Variants in DOCK1 observed in about 807,000 individuals in gnomAD.
The protein encoded by DOCK1 is dedicator of cytokinesis 1.
DOCK1 carries 138 observed loss-of-function variants against 262.7 expected under a neutral mutation model. The observed-to-expected ratio is 0.53, with a 90% CI of 0.46 to 0.61. The LOEUF is 0.61. Ranked by LOEUF, DOCK1 falls within the 20% of genes least tolerant of loss-of-function variation. DOCK1 has a pLI of 0.00. For missense variants in DOCK1, 1,908 were observed against 2,370.7 expected, an observed-to-expected ratio of 0.80 and a Z score of 4.05; for synonymous variants, 866 against 867.4, an observed-to-expected ratio of 1.00 and a Z score of 0.03.
chr10:127,304,448 T>C (rs58557399), intron 29 of DOCK1, among the ~76,000 whole-genome samples: 5,699 of 152,344 alleles, frequency 0.037, 352 homozygotes, highest in African/African-American at 0.13. Flanking sequence ...AAGTTTCTTT[T>C]GTCCACTTGT....
At chr10:127,081,429 A>T (rs2046893108) in intron 23 of DOCK1, among the ~76,000 whole-genome samples, 1 of 150,172 alleles carries the variant, frequency 6.7e-6, no homozygotes. Context: ...ATGACCTTTC[A>T]TACGTTTAAT....
intron 33 of DOCK1, among the ~76,000 whole-genome samples, chr10:127,366,763 T>TG (rs1339020584): frequency 6.6e-6 from 1 of 152,190 alleles, no homozygotes; most frequent in Non-Finnish European, 1.5e-5. Flanking sequence ...GCTTCTGGGA[T>TG]GGGGATGGTC....
chr10:127,001,290 C>T (rs1451716601), intron 10 of DOCK1: 2 of 152,156 alleles, frequency 1.3e-5, no homozygotes, highest in Non-Finnish European at 2.9e-5. Flanking sequence ...GTCCATCCCC[C>T]CTGCCTTTTA....
chr10:127,331,848 A>G (rs1338503484), intron 29 of DOCK1, among the ~76,000 whole-genome samples: 1 of 152,152 alleles, frequency 6.6e-6, no homozygotes, highest in Non-Finnish European at 1.5e-5. Context: ...CCATTTCCTC[A>G]TTTGTAAAAT....
intron 43 of DOCK1, among the ~76,000 whole-genome samples, chr10:127,414,641 A>G (rs1213319734): frequency 6.6e-6 from 1 of 152,208 alleles, no homozygotes; most frequent in East Asian, 1.9e-4. Context: ...TTATGTTCTC[A>G]TATAAACATA....
chr10:127,020,776 A>T (rs368659329), intron 13 of DOCK1, among the ~76,000 whole-genome samples: 20 of 152,004 alleles, frequency 1.3e-4, no homozygotes, highest in African/African-American at 4.4e-4. Flanking sequence ...AGAGAGAGAG[A>T]GAGTATGGGC....
intron 33 of DOCK1, among the ~76,000 whole-genome samples, chr10:127,369,462 C>T (rs1448222944): frequency 2.0e-5 from 3 of 152,178 alleles, no homozygotes; most frequent in African/African-American, 7.2e-5. Context: ...TAAAAGCCCT[C>T]CAGCAAAGAG....
intron 29 of DOCK1, among the ~76,000 whole-genome samples, chr10:127,265,892 G>A (rs2060335323): frequency 6.6e-6 from 1 of 152,216 alleles, no homozygotes; most frequent in Non-Finnish European, 1.5e-5. Flanking sequence ...AAGTCGTGTT[G>A]GTGCTCAGAA....
At chr10:126,979,720 C>A (rs2038812085) in intron 3 of DOCK1, among the ~76,000 whole-genome samples, 1 of 152,306 alleles carries the variant, frequency 6.6e-6, no homozygotes, top group South Asian at 2.1e-4. Flanking sequence ...CATCTAAGAT[C>A]TCCACTGGTA....
intron 27 of DOCK1, among the ~76,000 whole-genome samples, chr10:127,210,162 T>A (rs560762730): frequency 2.0e-5 from 3 of 152,346 alleles, no homozygotes; most frequent in African/African-American, 7.2e-5. Context: ...AGATTTTTTA[T>A]GAAGTCTTAC....
In DOCK1 at chr10:127,404,355, G is replaced by A. The variant is rs748476214; in HGVS notation, c.4048G>A (p.Val1350Ile). The change falls in exon 40 of 52, where the codon GTC (valine) becomes ATC (isoleucine). Residue 1350 changes from valine (V) to isoleucine (I), a missense_variant. Around this residue, in one of 9 missense-constraint regions of DOCK1, gnomAD observed 267 missense variants for 366.3 expected, o/e 0.73. Transcript: ENST00000623213. Reference protein sequence around the residue: ...KKQAQFYENIVKVIRPKPDYF... With the variant: ...KKQAQFYENIIKVIRPKPDYF... Reference sequence around the variant, plus strand: ...ACAGGCTCAGTTTTATGAAAACATCGTCAAAGTGATCAGGCCCAAGCCTGA... The same window carrying A: ...ACAGGCTCAGTTTTATGAAAACATCATCAAAGTGATCAGGCCCAAGCCTGA... 4.1e-5 allele frequency: 66 copies of A among 1,613,596 alleles called. No homozygotes were observed. Among genetic ancestry groups the A allele is most frequent in the Non-Finnish European group, 5.1e-5 (60 of 1,179,794 alleles).
intron 27 of DOCK1, among the ~76,000 whole-genome samples, chr10:127,200,711 C>G (rs894918790): frequency 3.9e-5 from 6 of 152,188 alleles, no homozygotes; most frequent in Middle Eastern, 3.2e-3. Flanking sequence ...ATATTATTAT[C>G]TTTAAAGTAA....
intron 29 of DOCK1, among the ~76,000 whole-genome samples, chr10:127,334,483 C>T (rs369899376): frequency 1.3e-5 from 2 of 152,042 alleles, no homozygotes; most frequent in Non-Finnish European, 2.9e-5. Context: ...AATGTTATGA[C>T]AAGTTTGATA....
chr10:126,922,553 G>A (rs1032387172), intron 1 of DOCK1, among the ~76,000 whole-genome samples: 4 of 152,132 alleles, frequency 2.6e-5, no homozygotes, highest in Non-Finnish European at 4.4e-5. Context: ...AAGCCATTCC[G>A]GAGGGAGGCG....
At chr10:127,225,607 G>C (rs1355868652) in intron 27 of DOCK1, among the ~76,000 whole-genome samples, 1 of 152,218 alleles carries the variant, frequency 6.6e-6, no homozygotes, top group Non-Finnish European at 1.5e-5. Flanking sequence ...TCTAGCCAAG[G>C]AGTTTGGGGT....
chr10:127,158,491 G>A (rs901227658), intron 27 of DOCK1, among the ~76,000 whole-genome samples: 1 of 152,196 alleles, frequency 6.6e-6, no homozygotes, highest in Non-Finnish European at 1.5e-5. Context: ...GCTTTGAGGA[G>A]CCTGTATTAT....
At chr10:127,432,649 A>T (rs1459617213) in intron 47 of DOCK1, among the ~76,000 whole-genome samples, 1 of 152,148 alleles carries the variant, frequency 6.6e-6, no homozygotes, top group Non-Finnish European at 1.5e-5. Flanking sequence ...CAAGAAGAAG[A>T]TGGAAAAGTC....
At chr10:126,941,578 A>G (rs932044578) in intron 1 of DOCK1, among the ~76,000 whole-genome samples, 28 of 152,252 alleles carry the variant, frequency 1.8e-4, no homozygotes, top group Admixed American at 1.2e-3. Flanking sequence ...AACACGGTGA[A>G]ACCCTGTCTC....
At chr10:127,073,053 C>T (rs2046323962) in intron 23 of DOCK1, among the ~76,000 whole-genome samples, 1 of 152,222 alleles carries the variant, frequency 6.6e-6, no homozygotes, top group Non-Finnish European at 1.5e-5. Flanking sequence ...TACGATGTGG[C>T]ATTTATAAAT....
Sources: allele counts gnomAD v4.1 joint callset (sites outside exome capture counted in the v4.1 genomes callset), GRCh38; gene constraint gnomAD v4.1.1; regional missense constraint gnomAD v4.1.1; transcripts MANE v1.5; gene names NCBI Gene and HGNC (gene_info 2026-07-23, HGNC 2026-07-21).